Variants in SYAP1 observed in about 807,000 individuals in gnomAD.
SYAP1 encodes synapse associated protein 1.
Under a neutral mutation model 29.6 loss-of-function variants are expected in SYAP1, and 3 were observed. The ratio of observed to expected loss-of-function variants is 0.10; its 90% CI spans 0.05 to 0.26. SYAP1 has a LOEUF of 0.26. SYAP1 is among the 10% of genes least tolerant of loss of function. The pLI is 1.00. For synonymous variants in SYAP1, 102 were observed against 102.7 expected (o/e 0.99, Z 0.04); for missense variants, 217 against 264.1 (o/e 0.82, Z 1.24).
chrX:16,743,218 C>T (rs1316407195), intron 4 of SYAP1, among the ~76,000 whole-genome samples: 2 of 109,064 alleles, frequency 1.8e-5, no homozygotes, highest in African/African-American at 6.7e-5. Flanking sequence ...ATCCCAGCTA[C>T]TCGGGAGGCT....
At chrX:16,742,469 G>A (rs1364882103) in intron 4 of SYAP1, among the ~76,000 whole-genome samples, 3 of 110,853 alleles carry the variant, frequency 2.7e-5, no homozygotes, top group Non-Finnish European at 5.7e-5. Flanking sequence ...TGTGTTTTCA[G>A]TAGAGACAGG....
intron 1 of SYAP1, among the ~76,000 whole-genome samples, chrX:16,720,752 G>A (rs1352043062): frequency 8.9e-6 from 1 of 111,801 alleles, no homozygotes; most frequent in Non-Finnish European, 1.9e-5. Context: ...TGGTGGCTCA[G>A]GCCTGTAATC....
At chrX:16,745,974 C>G (rs1300385809) in intron 5 of SYAP1, among the ~76,000 whole-genome samples, 1 of 110,333 alleles carries the variant, frequency 9.1e-6, no homozygotes, top group Non-Finnish European at 1.9e-5. Context: ...CAAATATTTG[C>G]TAGCCTTTTG....
At chrX:16,734,236 G>A (rs1188709926) in intron 1 of SYAP1, among the ~76,000 whole-genome samples, 4 of 108,744 alleles carry the variant, frequency 3.7e-5, no homozygotes, top group Admixed American at 2.0e-4. Context: ...AAAATTAGCC[G>A]GGTGTGGTGG....
intron 1 of SYAP1, among the ~76,000 whole-genome samples, chrX:16,733,163 T>C (rs1926246793): frequency 9.0e-6 from 1 of 111,153 alleles, no homozygotes; most frequent in South Asian, 3.8e-4. Flanking sequence ...TGTGATCATA[T>C]GACTGTAGAC....
chrX:16,731,992 C>T (rs1351472991), intron 1 of SYAP1, among the ~76,000 whole-genome samples: 1 of 111,298 alleles, frequency 9.0e-6, no homozygotes, highest in Non-Finnish European at 1.9e-5. Context: ...GCTGAGTTAT[C>T]GTTTTGTAGC....
At chrX:16,739,476 C>CTTTTTTTT (rs760754281) in intron 3 of SYAP1, among the ~76,000 whole-genome samples, 1 of 81,522 alleles carries the variant, frequency 1.2e-5, no homozygotes, top group Non-Finnish European at 2.3e-5. Flanking sequence ...CTCTCTCTCT[C>CTTTTTTTT]TTTTTTTTTT....
intron 5 of SYAP1, among the ~76,000 whole-genome samples, chrX:16,753,759 T>C (rs1473959554): frequency 5.4e-5 from 6 of 111,892 alleles, no homozygotes; most frequent in Non-Finnish European, 1.1e-4. Flanking sequence ...TGCTACCTCA[T>C]GACGGAGGTC....
chrX:16,748,043 A>G (rs1926646298), intron 5 of SYAP1, among the ~76,000 whole-genome samples: 1 of 110,480 alleles, frequency 9.1e-6, no homozygotes. Context: ...AGATCGTATC[A>G]TTGCACTCCA....
chrX:16,745,624 T>C (rs966810572), intron 5 of SYAP1, among the ~76,000 whole-genome samples: 23 of 108,705 alleles, frequency 2.1e-4, no homozygotes, highest in Non-Finnish European at 3.2e-4. Context: ...TAATCTCAGC[T>C]ACTCGGGAGG....
intron 1 of SYAP1, among the ~76,000 whole-genome samples, chrX:16,722,534 A>G (rs1170279898): frequency 1.8e-5 from 2 of 110,465 alleles, no homozygotes; most frequent in African/African-American, 6.6e-5. Flanking sequence ...TCTCACAAAA[A>G]AAAAAAAAAA....
chrX:16,760,507 T>A lies in SYAP1; in HGVS notation c.*148T>A. On this transcript the variant is annotated 3_prime_UTR_variant, in exon 9 of 9. Coordinates refer to ENST00000380155, the MANE Select transcript of SYAP1 (RefSeq NM_032796.4). ...TTTTTTCAAGTTGAAACTTGCCTCTTCTACTTTAAAAAAGTATATAGAACA... is the reference window on the plus strand; with the variant it reads ...TTTTTTCAAGTTGAAACTTGCCTCTACTACTTTAAAAAAGTATATAGAACA... The A allele has an allele frequency of 2.0e-6, 1 of 504,172 alleles. No homozygotes were observed. 41.5% of individuals were successfully genotyped at this position (504,172 alleles called of 1,213,427 possible). A position where few individuals can be genotyped will look rare whatever the true frequency, so the allele number is the denominator to read the frequency against.
intron 1 of SYAP1, among the ~76,000 whole-genome samples, chrX:16,723,465 G>A (rs537060631): frequency 9.0e-6 from 1 of 111,664 alleles, no homozygotes; most frequent in Admixed American, 9.6e-5. Flanking sequence ...CTGAGGCTGT[G>A]GGGTAGAAAT....
intron 1 of SYAP1, among the ~76,000 whole-genome samples, chrX:16,734,287 G>A (rs1012262871): frequency 3.7e-5 from 4 of 108,135 alleles, no homozygotes; most frequent in African/African-American, 1.3e-4. Flanking sequence ...GCTGAGGCAT[G>A]AGAATCACTT....
rs1055355818 is a variant in SYAP1, at chrX:16,756,515, T to C, written c.725-148T>C. 13 of 503,269 alleles carry C rather than the reference T, an allele frequency of 2.6e-5. No individual in the cohort carries two copies. The Middle Eastern group carries it at 1.5e-3, about 59-fold the overall frequency. The allele number at this position is 503,269 out of a possible 1,213,427, so 41.5% of individuals were successfully genotyped here. ...ATGGTTTCACCATGGCTGTTTCTTA[T>C]AACTTAAGAAAAGCTGAAAGCATAA... On this transcript the variant is annotated intron_variant, in intron 6 of 8. Coordinates refer to ENST00000380155, the MANE Select transcript of SYAP1 (RefSeq NM_032796.4).
chrX:16,727,662 C>T (rs1289134849), intron 1 of SYAP1, among the ~76,000 whole-genome samples: 2 of 110,616 alleles, frequency 1.8e-5, no homozygotes, highest in Non-Finnish European at 3.8e-5. Context: ...CTTTTTAAAG[C>T]CAAGCCCAGC....
chrX:16,735,350 A>C lies in SYAP1; in HGVS notation c.294+5A>C, dbSNP rs1459590886. On this transcript the variant is annotated splice_donor_5th_base_variant and intron_variant, in intron 2 of 8. Coordinates refer to ENST00000380155, the MANE Select transcript of SYAP1 (RefSeq NM_032796.4). Reference sequence around the variant, plus strand: ...ATAGATGGCATCATTGACAAGGTATATTCAATTATCTTTTGGAAGTAGAAA... The same window carrying C: ...ATAGATGGCATCATTGACAAGGTATCTTCAATTATCTTTTGGAAGTAGAAA... 5 of 1,053,220 alleles carry C rather than the reference A, an allele frequency of 4.7e-6. No individual in the cohort carries two copies. The African/African-American group carries it at 7.5e-5, about 16-fold the overall frequency. 86.8% of individuals were successfully genotyped at this position (1,053,220 alleles called of 1,213,427 possible).
intron 1 of SYAP1, among the ~76,000 whole-genome samples, chrX:16,720,425 G>C (rs1256254469): frequency 8.9e-6 from 1 of 112,046 alleles, no homozygotes; most frequent in Admixed American, 9.5e-5. Flanking sequence ...AATGCCAACT[G>C]TCTGCTATAC....
At chrX:16,742,603 A>ATTTGT (rs767250262) in intron 4 of SYAP1, among the ~76,000 whole-genome samples, 25 of 110,470 alleles carry the variant, frequency 2.3e-4, no homozygotes, top group African/African-American at 6.9e-4. Context: ...TTTTAATTTA[A>ATTTGT]TTTGTTTTGT....
Sources: gnomAD v4.1 joint callset for allele counts (sites outside exome capture counted in the v4.1 genomes callset) on GRCh38, gnomAD v4.1.1 for gene constraint, MANE v1.5 for transcripts, NCBI Gene and HGNC (gene_info 2026-07-23, HGNC 2026-07-21) for gene names.